CCDC60: variants seen among roughly 807,000 people sequenced by gnomAD.
The protein encoded by CCDC60 is coiled-coil domain containing 60, also known as coiled-coil domain-containing protein 60.
CCDC60 carries 54 observed loss-of-function variants against 63.5 expected under a neutral mutation model. That is an observed-to-expected ratio of 0.85 (90% CI 0.68 to 1.07). CCDC60 has a LOEUF of 1.07. Among genes scored for constraint, CCDC60 ranks in the 50% least tolerant of loss-of-function variants. The pLI, the probability that CCDC60 is intolerant of heterozygous loss-of-function variation, is 0.00. For synonymous variants in CCDC60, 206 were observed against 238.8 expected (o/e 0.86, Z 1.27); for missense variants, 651 against 684.3 (o/e 0.95, Z 0.54).
chr12:119,490,293 T>C (rs1270029381), intron 5 of CCDC60, among the ~76,000 whole-genome samples: 1 of 152,232 alleles, frequency 6.6e-6, no homozygotes, highest in Non-Finnish European at 1.5e-5. Context: ...ATTTTAAAAC[T>C]ACAGTCTCTT....
intron 2 of CCDC60, among the ~76,000 whole-genome samples, chr12:119,443,543 C>T (rs1593095412): frequency 6.6e-6 from 1 of 151,874 alleles, no homozygotes; most frequent in East Asian, 1.9e-4. Context: ...TTTTCCAACC[C>T]GCAACCTACA....
At chr12:119,490,524 C>G (rs906017673) in intron 5 of CCDC60, among the ~76,000 whole-genome samples, 1 of 152,074 alleles carries the variant, frequency 6.6e-6, no homozygotes, top group Non-Finnish European at 1.5e-5. Flanking sequence ...CCAGAATTTC[C>G]TTGAAAACCA....
chr12:119,437,055 G>T lies in CCDC60; in HGVS notation c.170+8293G>T, dbSNP rs570753575. On this transcript the variant is annotated intron_variant, in intron 2 of 13. Coordinates refer to ENST00000327554, the MANE Select transcript of CCDC60 (RefSeq NM_178499.5). ...CAAAAATGATTTCCTTGTTCATAAA[G>T]TGCAGAGAAATCAAGAAGACATGTG... Among the ~76,000 whole-genome samples, 150 of 152,274 alleles carry T rather than the reference G, an allele frequency of 9.9e-4. 2 individuals are homozygous for T. The highest frequency in any genetic ancestry group is 3.5e-3 in the African/African-American group (145 of 41,552).
intron 1 of CCDC60, among the ~76,000 whole-genome samples, chr12:119,359,595 C>T (rs369063500): frequency 1.0e-4 from 15 of 148,904 alleles, no homozygotes; most frequent in Non-Finnish European, 1.6e-4. Flanking sequence ...GGATTTGGCA[C>T]GGTCATAGGA....
chr12:119,489,384 T>TA (rs780063674), intron 5 of CCDC60, among the ~76,000 whole-genome samples: 1 of 152,210 alleles, frequency 6.6e-6, no homozygotes, highest in Non-Finnish European at 1.5e-5. Flanking sequence ...CATTGGTGGC[T>TA]ACTTCTCCAC....
In CCDC60 at chr12:119,473,914, G is replaced by T. The variant is rs182918316; in HGVS notation, c.341+1750G>T. 1.3e-3 allele frequency among the ~76,000 whole-genome samples: 198 copies of T among 152,240 alleles called. 1 individual carries two copies. The highest frequency in any genetic ancestry group is 3.9e-3 in the African/African-American group (160 of 41,530). On this transcript the variant is annotated intron_variant, in intron 3 of 13. Transcript: ENST00000327554. ...TTCTATATTTTTGCAATTGTGAATT[G>T]TGCTGCTATAAACATGCATGTGCAA...
At chr12:119,342,425 G>A (rs992199712) in intron 1 of CCDC60, among the ~76,000 whole-genome samples, 3 of 152,210 alleles carry the variant, frequency 2.0e-5, no homozygotes, top group African/African-American at 7.2e-5. Flanking sequence ...GGAAGCGATG[G>A]TGATATTGAA....
At chr12:119,363,251 C>A (rs562966992) in intron 1 of CCDC60, among the ~76,000 whole-genome samples, 34 of 152,306 alleles carry the variant, frequency 2.2e-4, no homozygotes, top group Admixed American at 2.0e-3. Flanking sequence ...CCTCATCGTG[C>A]TTTTAACCTG....
intron 2 of CCDC60, among the ~76,000 whole-genome samples, chr12:119,462,799 T>C (rs963876025): frequency 3.9e-4 from 56 of 142,498 alleles, no homozygotes; most frequent in African/African-American, 1.4e-3. Flanking sequence ...TTCATTTATT[T>C]ATTTATTTAT....
At chr12:119,344,881 A>T (rs1955574358) in intron 1 of CCDC60, among the ~76,000 whole-genome samples, 1 of 151,084 alleles carries the variant, frequency 6.6e-6, no homozygotes, top group Non-Finnish European at 1.5e-5. Context: ...ACACACACAC[A>T]CACACACACA....
intron 1 of CCDC60, among the ~76,000 whole-genome samples, chr12:119,386,094 A>G (rs569392308): frequency 1.3e-5 from 2 of 152,302 alleles, no homozygotes; most frequent in African/African-American, 4.8e-5. Flanking sequence ...TGTTGAATGA[A>G]TAAATTATGA....
At chr12:119,407,298 G>T (rs534548536) in intron 1 of CCDC60, among the ~76,000 whole-genome samples, 1 of 152,126 alleles carries the variant, frequency 6.6e-6, no homozygotes, top group South Asian at 2.1e-4. Context: ...CTTGAGGCTA[G>T]GAGTTCAACA....
intron 3 of CCDC60, among the ~76,000 whole-genome samples, chr12:119,478,068 C>A (rs570176334): frequency 3.3e-5 from 5 of 152,240 alleles, no homozygotes; most frequent in African/African-American, 9.6e-5. Context: ...AATCCCAGCA[C>A]TTTGGGAGGC....
In CCDC60 at chr12:119,456,826, G is replaced by A. The variant is rs774025352; in HGVS notation, c.171-15168G>A. Among the ~76,000 whole-genome samples the A allele has an allele frequency of 4.8e-4, 73 of 152,166 alleles. No individual in the cohort carries two copies. The highest frequency in any genetic ancestry group is 1.2e-4 in the Non-Finnish European group (8 of 68,026). ...AGGACGACCAGAGGTCACTCTTGTCGCCATCTTGGTTTTGGTGAGATTTAG... is the reference window on the plus strand; with the variant it reads ...AGGACGACCAGAGGTCACTCTTGTCACCATCTTGGTTTTGGTGAGATTTAG... On this transcript the variant is annotated intron_variant, in intron 2 of 13. Transcript: ENST00000327554. The surrounding 1 kb of genome is among the most constrained non-coding windows in gnomAD (Gnocchi z 4.6).
intron 4 of CCDC60, among the ~76,000 whole-genome samples, chr12:119,484,776 C>T (rs1207205041): frequency 6.6e-6 from 1 of 152,114 alleles, no homozygotes; most frequent in Non-Finnish European, 1.5e-5. Flanking sequence ...AGATCTGAAC[C>T]AATTCATTCC....
At chr12:119,530,613 T>C (rs186329617) in intron 12 of CCDC60, among the ~76,000 whole-genome samples, 12 of 152,348 alleles carry the variant, frequency 7.9e-5, no homozygotes, top group Admixed American at 1.3e-4. Context: ...CATTGTCTGA[T>C]AGAAAAATTA....
chr12:119,374,825 T>A (rs1052098550), intron 1 of CCDC60, among the ~76,000 whole-genome samples: 2 of 152,174 alleles, frequency 1.3e-5, no homozygotes, highest in Non-Finnish European at 2.9e-5. Flanking sequence ...TTAGACCATA[T>A]AAGGGTCATT....
rs193261188 is a variant in CCDC60 at position 119,429,911 on chromosome 12, G to A, written c.170+1149G>A. Among the ~76,000 whole-genome samples, 3 of 152,112 alleles carry A rather than the reference G, an allele frequency of 2.0e-5. No homozygotes were observed. In the East Asian group the frequency reaches 5.8e-4, roughly 29 times the overall value. ...ACACTAGAAAAAGTAAATAGAAACA[G>A]GTGAAAGTAATTCTAATAATATTTT... On this transcript the variant is annotated intron_variant, in intron 2 of 13. Transcript: ENST00000327554.
At chr12:119,453,176 AC>A (rs1566017850) in intron 2 of CCDC60, among the ~76,000 whole-genome samples, 1 of 151,836 alleles carries the variant, frequency 6.6e-6, no homozygotes, top group African/African-American at 2.4e-5. Flanking sequence ...TTTGGCCTAA[AC>A]CCTTAGATTT....
Sources: allele counts gnomAD v4.1 joint callset (sites outside exome capture counted in the v4.1 genomes callset), GRCh38; gene constraint gnomAD v4.1.1; non-coding constraint Gnocchi (gnomAD v3.1); transcripts MANE v1.5; gene names NCBI Gene and HGNC (gene_info 2026-07-23, HGNC 2026-07-21).